The following SOX6 variants were observed in gnomAD, a reference collection of about 807,000 sequenced individuals.
SOX6 encodes SRY-box transcription factor 6.
SOX6 carries 11 observed loss-of-function variants against 97.8 expected under a neutral mutation model. That is an observed-to-expected ratio of 0.11 (90% confidence interval 0.07 to 0.19). The LOEUF is 0.19. Ranked by LOEUF, SOX6 falls within the 10% of genes least tolerant of loss-of-function variation. SOX6 has a pLI of 1.00. For synonymous variants in SOX6, 360 were observed against 371.4 expected, an observed-to-expected ratio of 0.97 and a Z score of 0.35; for missense variants, 810 against 1,039.5, an observed-to-expected ratio of 0.78 and a Z score of 3.04.
chr11:16,064,563 T>A (rs1848045439), intron 9 of SOX6, among the ~76,000 whole-genome samples: 1 of 151,370 alleles, frequency 6.6e-6, no homozygotes, highest in Admixed American at 6.6e-5. Context: ...TGAAGCCATA[T>A]ATATATATGA....
rs369132114 is a variant in SOX6 at position 16,258,424 on chromosome 11, A to G, written c.446-23753T>C. Among the ~76,000 whole-genome samples, 8 of 152,194 alleles carry G rather than the reference A, an allele frequency of 5.3e-5. No homozygotes were observed. The East Asian group carries it at 1.2e-3, about 22-fold the overall frequency. ...CTATGAAAAGACGCGAAGGAAACTT[A>G]AATGCATTTAAGTGAAAAAAGCCAA... On this transcript the variant is annotated intron_variant, in intron 3 of 15. Transcript: ENST00000683767.
intron 9 of SOX6, among the ~76,000 whole-genome samples, chr11:16,062,842 T>C (rs1847991415): frequency 6.6e-6 from 1 of 151,730 alleles, no homozygotes; most frequent in Admixed American, 6.6e-5. Context: ...AACAATGAGA[T>C]ATTTGACACA....
At chr11:16,221,533 T>C (rs1479706362) in intron 4 of SOX6, among the ~76,000 whole-genome samples, 2 of 152,150 alleles carry the variant, frequency 1.3e-5, no homozygotes, top group Non-Finnish European at 2.9e-5. Context: ...CAAAGCTATT[T>C]GTATACAGCA....
intron 2 of SOX6, among the ~76,000 whole-genome samples, chr11:16,319,988 A>C (rs1855867834): frequency 6.6e-6 from 1 of 152,162 alleles, no homozygotes; most frequent in Non-Finnish European, 1.5e-5. Context: ...GAAGAGGTTT[A>C]GATGGATCAG....
At chr11:16,564,353 G>A (rs905788382) in intron 4 of SOX6, among the ~76,000 whole-genome samples, 2 of 152,120 alleles carry the variant, frequency 1.3e-5, no homozygotes, top group Non-Finnish European at 2.9e-5. Flanking sequence ...ATAAAGGGAG[G>A]TAAGGTTCTT....
chr11:16,583,579 GTATATATATA>G (rs72420581), intron 4 of SOX6, among the ~76,000 whole-genome samples: 1 of 114,876 alleles, frequency 8.7e-6, no homozygotes, highest in Non-Finnish European at 1.8e-5. Flanking sequence ...ATTTCATTGT[GTATATATATA>G]TATGTATATA....
chr11:16,106,451 T>C (rs1017593422), intron 7 of SOX6, among the ~76,000 whole-genome samples: 1 of 152,014 alleles, frequency 6.6e-6, no homozygotes, highest in Non-Finnish European at 1.5e-5. Flanking sequence ...GTTGATTGAT[T>C]TTTGACAAAG....
At chr11:16,637,146 T>A (rs893096779) in intron 3 of SOX6, among the ~76,000 whole-genome samples, 1 of 152,204 alleles carries the variant, frequency 6.6e-6, no homozygotes, top group Admixed American at 6.5e-5. Flanking sequence ...ACTTTCCCAT[T>A]CATTTATATT....
At chr11:16,236,351 A>G (rs1008897196) in intron 3 of SOX6, among the ~76,000 whole-genome samples, 13 of 152,212 alleles carry the variant, frequency 8.5e-5, no homozygotes, top group Admixed American at 8.5e-4. Context: ...AAAAATGATA[A>G]TACTAAGTTA....
intron 3 of SOX6, among the ~76,000 whole-genome samples, chr11:16,627,282 A>C (rs1848636084): frequency 6.6e-6 from 1 of 152,318 alleles, no homozygotes; most frequent in East Asian, 1.9e-4. Flanking sequence ...TACAGTGAAG[A>C]TGCAAGTGCT....
At chr11:16,445,332 G>A (rs777895529) in intron 1 of SOX6, among the ~76,000 whole-genome samples, 9 of 151,938 alleles carry the variant, frequency 5.9e-5, no homozygotes, top group East Asian at 5.8e-4. Context: ...CTTCATCTCC[G>A]GTCTCATCTG....
chr11:16,563,197 C>G (rs1405475284), intron 4 of SOX6, among the ~76,000 whole-genome samples: 1 of 151,726 alleles, frequency 6.6e-6, no homozygotes, highest in Non-Finnish European at 1.5e-5. Context: ...AGGAAATAGC[C>G]TCAGCAGAGA....
chr11:16,062,395 T>A (rs79117020), intron 9 of SOX6, among the ~76,000 whole-genome samples: 1,840 of 151,816 alleles, frequency 0.012, 36 homozygotes, highest in African/African-American at 0.041. Flanking sequence ...TACAAAAATG[T>A]CATTCCACAT....
In SOX6 at chr11:16,356,169, A is replaced by G. The variant is rs917629996; in HGVS notation, c.-80T>C. ...AGCCAGAACTTCAGAACTTGAGGGC[A>G]TAACACCTTTGACACCTTCCCAAAT... On this transcript the variant is annotated 5_prime_UTR_variant, in exon 1 of 16. An upstream start codon of the reference 5' UTR is lost. Coordinates refer to ENST00000683767, the MANE Select transcript of SOX6 (RefSeq NM_001367873.1). Among the ~76,000 whole-genome samples the G allele has an allele frequency of 6.6e-6, 1 of 151,686 alleles. No individual in the cohort carries two copies. The highest frequency in any genetic ancestry group is 2.4e-5 in the African/African-American group (1 of 41,304).
intron 3 of SOX6, among the ~76,000 whole-genome samples, chr11:16,308,328 TAAAAGA>T (rs1855497785): frequency 6.6e-6 from 1 of 152,154 alleles, no homozygotes; most frequent in South Asian, 2.1e-4. Flanking sequence ...ATACAAACTG[TAAAAGA>T]AAATCAAAAT....
Position 15,972,771 on chromosome 11 carries a change from A to T in SOX6, c.*38T>A. ...TAACTCTTTGTTGGGGAGGGGGGTG[A>T]AATGTCAGAGTACTTTAATTCAGCA... On this transcript the variant is annotated 3_prime_UTR_variant, in exon 16 of 16. Coordinates refer to ENST00000683767, the MANE Select transcript of SOX6 (RefSeq NM_001367873.1). The T allele has an allele frequency of 6.2e-7, 1 of 1,611,772 alleles. No individual in the cohort carries two copies. The highest frequency in any genetic ancestry group is 1.3e-5 in the African/African-American group (1 of 74,988).
chr11:16,580,254 A>C (rs1042919837), intron 4 of SOX6, among the ~76,000 whole-genome samples: 21 of 152,122 alleles, frequency 1.4e-4, no homozygotes, highest in African/African-American at 4.6e-4. Context: ...AAATTTATAA[A>C]TTTCTAGAAT....
intron 1 of SOX6, among the ~76,000 whole-genome samples, chr11:16,437,103 A>G (rs200778373): frequency 2.4e-5 from 1 of 41,978 alleles, no homozygotes; most frequent in African/African-American, 1.7e-4. Context: ...CAAGAAATTA[A>G]AAAAAAAAAA....
chr11:16,360,788 G>C (rs1235156397), upstream of SOX6, among the ~76,000 whole-genome samples: 3 of 152,122 alleles, frequency 2.0e-5, no homozygotes, highest in Admixed American at 6.5e-5. Flanking sequence ...CAGATCACAA[G>C]GTCAGGAGAT....
Sources: allele counts gnomAD v4.1 joint callset (sites outside exome capture counted in the v4.1 genomes callset), GRCh38; gene constraint gnomAD v4.1.1; transcripts MANE v1.5; gene names NCBI Gene and HGNC (gene_info 2026-07-23, HGNC 2026-07-21).